Variants in NADSYN1 observed in about 807,000 individuals in gnomAD.
NADSYN1 encodes glutamine-dependent NAD(+) synthetase.
In NADSYN1, 80 loss-of-function variants were observed where a neutral mutation model predicts 99.3. The ratio of observed to expected loss-of-function variants is 0.81; its 90% CI spans 0.67 to 0.97. The LOEUF (loss-of-function observed/expected upper bound fraction) is 0.97. Ranked by LOEUF, NADSYN1 falls within the 50% of genes least tolerant of loss-of-function variation. The probability of loss-of-function intolerance (pLI) is 0.00; values close to 1 mark genes in which losing one functional copy is unlikely to be tolerated. For synonymous variants in NADSYN1, 385 were observed against 372.1 expected (o/e 1.03, Z -0.40); for missense variants, 859 against 948.5 (o/e 0.91, Z 1.24).
intron 9 of NADSYN1, chr11:71,477,301 A>G (rs748546235): frequency 7.8e-7 from 1 of 1,274,154 alleles, no homozygotes; most frequent in Non-Finnish European, 1.0e-6. Flanking sequence ...CCTCATCTCC[A>G]TTGTTTTATG....
At chr11:71,461,449 G>A (rs1949549583) in intron 3 of NADSYN1, among the ~76,000 whole-genome samples, 1 of 152,066 alleles carries the variant, frequency 6.6e-6, no homozygotes, top group African/African-American at 2.4e-5. Context: ...TTCTTTTTGA[G>A]ACAGAGTCTC....
chr11:71,495,490 C>T lies in NADSYN1; in HGVS notation c.1765-1993C>T, dbSNP rs185390718. On this transcript the variant is annotated intron_variant, in intron 18 of 20. Transcript: ENST00000319023. ...GTGCCCTTGGGAGGAAGGTGGGTTC[C>T]GCTGCCGCTGGGTGCAGTGCCCTGC... Among the ~76,000 whole-genome samples, 25 of 152,296 alleles carry T rather than the reference C, an allele frequency of 1.6e-4. No homozygotes were observed. In the East Asian group the frequency reaches 2.3e-3, roughly 14 times the overall value.
chr11:71,480,480 A>C (rs2120469667), intron 10 of NADSYN1, among the ~76,000 whole-genome samples: 1 of 152,250 alleles, frequency 6.6e-6, no homozygotes, highest in African/African-American at 2.4e-5. Flanking sequence ...GGCTCTGTTT[A>C]GCCTTTGAGG....
chr11:71,466,019 A>G (rs1949586659), intron 5 of NADSYN1, among the ~76,000 whole-genome samples: 1 of 152,134 alleles, frequency 6.6e-6, no homozygotes, highest in South Asian at 2.1e-4. Context: ...TCATTTCTGG[A>G]GCAAAATTCT....
At chr11:71,460,757 A>G (rs1949545367) in intron 3 of NADSYN1, 1 of 152,236 alleles carries the variant, frequency 6.6e-6, no homozygotes, top group African/African-American at 2.4e-5. Context: ...TGAACAAAAC[A>G]AGAGTTTTAT....
chr11:71,497,357 T>C (rs1055818185), intron 18 of NADSYN1, 126 bp from the exon 19 acceptor site: 1 of 1,242,920 alleles, frequency 8.0e-7, no homozygotes, highest in African/African-American at 1.5e-5. Context: ...AAAGCCCACC[T>C]CTGCTCCTGC....
Position 71,498,414 on chromosome 11 carries a change from G to A in NADSYN1, c.1956G>A (p.Thr652=), listed in dbSNP as rs367958331. 1.7e-5 allele frequency: 28 copies of A among 1,613,974 alleles called. No individual in the cohort carries two copies. The highest frequency in any genetic ancestry group is 6.7e-5 in the Admixed American group (4 of 59,984). The change falls in exon 20 of 21, where the codon ACG becomes ACA. Residue 652 remains threonine (T), a synonymous_variant. Coordinates refer to ENST00000319023, the MANE Select transcript of NADSYN1 (RefSeq NM_018161.5). Reference sequence around the variant, plus strand: ...CCATGAACAGACACAAGATGACCACGCTCACACCCGCGTACCACGCCGAGA... The same window carrying A: ...CCATGAACAGACACAAGATGACCACACTCACACCCGCGTACCACGCCGAGA... The part of the protein sequence containing the change: ...KYSMNRHKMT[T]LTPAYHAENY...
chr11:71,466,430 T>C (rs2120422598), intron 5 of NADSYN1, among the ~76,000 whole-genome samples: 1 of 152,316 alleles, frequency 6.6e-6, no homozygotes, highest in East Asian at 1.9e-4. Context: ...GATGATGTGC[T>C]GGGCCTGGGA....
At chr11:71,478,633 A>T in intron 10 of NADSYN1, 164 bp downstream of exon 10, 1 of 639,726 alleles carries the variant, frequency 1.6e-6, no homozygotes, top group East Asian at 2.9e-5. Flanking sequence ...CCGCAGACAG[A>T]ACCTGCTTCC....
intron 9 of NADSYN1, chr11:71,476,332 A>G: frequency 2.8e-6 from 1 of 355,070 alleles, no homozygotes; most frequent in Non-Finnish European, 5.6e-6. Flanking sequence ...TTGCAGGAGC[A>G]GGGCGAGCTT....
chr11:71,489,402 T>C (rs1470244616), intron 16 of NADSYN1, among the ~76,000 whole-genome samples: 2 of 152,014 alleles, frequency 1.3e-5, no homozygotes, highest in African/African-American at 4.8e-5. Flanking sequence ...TGGCTGGAGT[T>C]TCCTTCCACC....
At chr11:71,463,901 G>T in intron 4 of NADSYN1, 152 bp from the exon 5 acceptor site, 1 of 620,438 alleles carries the variant, frequency 1.6e-6, no homozygotes, top group Non-Finnish European at 2.8e-6. Flanking sequence ...CATAGAAAGC[G>T]GAAGCCCAGA....
rs768545737 is a variant in NADSYN1, at chr11:71,484,334, G to C, written c.1342G>C (p.Asp448His). ...CAGCCACCACATCAGTCTCAACATC[G>C]ATCCAGCCGTGAAGGCCGTCATGGG... ...IGSHHISLNIDPAVKAVMGIF... is the reference protein window; with the variant it reads ...IGSHHISLNIHPAVKAVMGIF... The change falls in exon 15 of 21, where the codon GAT becomes CAT. Residue 448 changes from aspartate to histidine, a missense_variant. Coordinates refer to ENST00000319023, the MANE Select transcript of NADSYN1 (RefSeq NM_018161.5). The C allele has an allele frequency of 1.9e-6, 3 of 1,613,968 alleles. No individual in the cohort carries two copies. In the Admixed American group the frequency reaches 5.0e-5, roughly 27 times the overall value.
At chr11:71,477,335 T>C in intron 9 of NADSYN1, 1 of 1,289,452 alleles carries the variant, frequency 7.8e-7, no homozygotes, top group Non-Finnish European at 1.0e-6. Context: ...CGTGGCTTTC[T>C]GCATGGAAGC....
Position 71,458,616 on chromosome 11 carries a change from C to T in NADSYN1, c.263+72C>T, listed in dbSNP as rs111536666. On this transcript the variant is annotated intron_variant, in intron 3 of 20. Transcript: ENST00000319023. ...AGCTCAAGGGCATGACCCACCCAACCGGCCTCCATCCAGGGTGTGGAACAT... is the reference window on the plus strand; with the variant it reads ...AGCTCAAGGGCATGACCCACCCAACTGGCCTCCATCCAGGGTGTGGAACAT... 1.3e-4 allele frequency: 135 copies of T among 1,042,174 alleles called. 1 individual carries two copies. The highest frequency in any genetic ancestry group is 9.6e-4 in the African/African-American group (62 of 64,670). 64.6% of individuals were successfully genotyped at this position (1,042,174 alleles called of 1,614,324 possible).
chr11:71,477,999 G>A (rs1008000836), intron 9 of NADSYN1, among the ~76,000 whole-genome samples: 2 of 152,308 alleles, frequency 1.3e-5, no homozygotes, highest in Non-Finnish European at 2.9e-5. Context: ...CGCTGGCAGA[G>A]GCTTACTGAC....
At chr11:71,481,729 AGT>A in intron 12 of NADSYN1, 192 bp from the exon 13 acceptor site, 1 of 608,022 alleles carries the variant, frequency 1.6e-6, no homozygotes, top group Non-Finnish European at 2.9e-6. Context: ...CCCGCAGTGA[AGT>A]GTCTTTTTTC....
chr11:71,495,213 G>T (rs992167528), intron 18 of NADSYN1, among the ~76,000 whole-genome samples: 2 of 152,058 alleles, frequency 1.3e-5, no homozygotes, highest in Non-Finnish European at 2.9e-5. Flanking sequence ...ACATGTTTTG[G>T]TCTGTTGTGT....
rs748159233 is a variant in NADSYN1 at position 71,480,810 on chromosome 11, A to T, written c.929A>T (p.His310Leu). ...AAGGTGGACTTTGCCCTCTCGTGCC[A>T]CGAGGACTTGCTGGCACCCATCTCT... is the stretch of plus-strand genomic sequence containing the variant. ...RVKVDFALSC[H>L]EDLLAPISEP... The change falls in exon 11 of 21, where the codon CAC (histidine) becomes CTC (leucine). Residue 310 changes from histidine (H) to leucine (L), a missense_variant. Transcript: ENST00000319023. 3 of 1,614,178 alleles carry T rather than the reference A, an allele frequency of 1.9e-6. No individual in the cohort carries two copies. Among genetic ancestry groups the T allele is most frequent in the Non-Finnish European group, 2.5e-6 (3 of 1,180,032 alleles).
Sources: gnomAD v4.1 joint callset for allele counts (sites outside exome capture counted in the v4.1 genomes callset) on GRCh38, gnomAD v4.1.1 for gene constraint, MANE v1.5 for transcripts, NCBI Gene and HGNC (gene_info 2026-07-23, HGNC 2026-07-21) for gene names.